WDR64: variants seen among roughly 807,000 people sequenced by gnomAD.
WDR64 encodes the protein WD repeat domain 64.
A neutral mutation model predicts 139.3 loss-of-function variants in WDR64; 112 were observed. The observed-to-expected ratio is 0.80, with a 90% confidence interval of 0.69 to 0.94. The LOEUF is 0.94. WDR64 is among the 40% of genes least tolerant of loss of function. The probability of loss-of-function intolerance (pLI) is 0.00; values close to 1 mark genes in which losing one functional copy is unlikely to be tolerated. For synonymous variants in WDR64, 444 were observed against 437.7 expected (o/e 1.01, Z -0.18); for missense variants, 1,206 against 1,293.1 (o/e 0.93, Z 1.03).
rs1666893588 is a variant in WDR64, at chr1:241,683,511, A to G, written c.649A>G (p.Met217Val). The change falls in exon 7 of 28, where the codon ATG (methionine) becomes GTG (valine). Residue 217 changes from methionine (M) to valine (V), a missense_variant. By Grantham distance (21) the Met-to-Val change is conservative. Transcript: ENST00000437684. ...GGAAAATTATTTTGTCATAAAACCAATGGATCACTGCCTCCTGTGTGTGTG... is the reference window on the plus strand; with the variant it reads ...GGAAAATTATTTTGTCATAAAACCAGTGGATCACTGCCTCCTGTGTGTGTG... ...SQENYFVIKP[M>V]DHCLLCVCVV... The G allele has an allele frequency of 6.4e-7, 1 of 1,551,744 alleles. No individual in the cohort carries two copies. Among genetic ancestry groups the G allele is most frequent in the Non-Finnish European group, 8.7e-7 (1 of 1,146,964 alleles).
chr1:241,711,946 T>G, intron 9 of WDR64, 65 bp downstream of exon 9: 3 of 1,500,984 alleles, frequency 2.0e-6, no homozygotes, highest in Non-Finnish European at 2.8e-6. Flanking sequence ...CTTCGAGTTT[T>G]GGTGCTAGGA....
At chr1:241,673,176 A>C (rs777006153) in intron 3 of WDR64, among the ~76,000 whole-genome samples, 6 of 133,210 alleles carry the variant, frequency 4.5e-5, no homozygotes, top group African/African-American at 1.6e-4. Flanking sequence ...ATCACACACC[A>C]GGGACTGTTG....
chr1:241,752,213 A>G (rs1029380388), intron 14 of WDR64, among the ~76,000 whole-genome samples: 2 of 152,350 alleles, frequency 1.3e-5, no homozygotes, highest in East Asian at 3.9e-4. Context: ...CAATTCCTAA[A>G]GACCTACCAG....
chr1:241,661,207 T>A (rs952284624), intron 2 of WDR64, among the ~76,000 whole-genome samples: 1 of 151,894 alleles, frequency 6.6e-6, no homozygotes, highest in African/African-American at 2.4e-5. Flanking sequence ...AGTAAGAATC[T>A]AAGGGATTTG....
intron 10 of WDR64, among the ~76,000 whole-genome samples, chr1:241,735,777 C>A (rs192639594): frequency 5.4e-5 from 8 of 147,500 alleles, no homozygotes; most frequent in Non-Finnish European, 1.2e-4. Context: ...TCAAGTGATC[C>A]GCCTGCCTCG....
intron 26 of WDR64, among the ~76,000 whole-genome samples, chr1:241,795,498 G>T (rs1659339206): frequency 6.6e-6 from 1 of 152,164 alleles, no homozygotes; most frequent in Non-Finnish European, 1.5e-5. Flanking sequence ...CCACGTGGTG[G>T]TTATTTTGAA....
At chr1:241,683,358 ATTATC>A (rs1159925725) in intron 6 of WDR64, 124 bp from the exon 7 acceptor site, 31 of 829,010 alleles carry the variant, frequency 3.7e-5, no homozygotes, top group Non-Finnish European at 5.3e-5. Flanking sequence ...TTTTTCTCAA[ATTATC>A]TTATAAGATA....
intron 8 of WDR64, among the ~76,000 whole-genome samples, chr1:241,699,652 A>C (rs959774454): frequency 2.0e-5 from 3 of 152,172 alleles, no homozygotes; most frequent in African/African-American, 7.2e-5. Context: ...AATTGGTAAA[A>C]CTTAGTCAGG....
intron 27 of WDR64, among the ~76,000 whole-genome samples, chr1:241,799,215 A>AAAAAAAAAAAAAAAG (rs1659452516): frequency 7.4e-6 from 1 of 134,350 alleles, no homozygotes; most frequent in African/African-American, 2.7e-5. Context: ...AAAAAAAAAA[A>AAAAAAAAAAAAAAAG]AAAAAAAATA....
intron 2 of WDR64, among the ~76,000 whole-genome samples, chr1:241,668,084 T>C (rs1450269742): frequency 6.6e-6 from 1 of 152,234 alleles, no homozygotes; most frequent in Non-Finnish European, 1.5e-5. Flanking sequence ...TTTACTGTAT[T>C]ATCTGTAATT....
At chr1:241,706,336 G>C (rs953763725) in intron 8 of WDR64, among the ~76,000 whole-genome samples, 2 of 152,210 alleles carry the variant, frequency 1.3e-5, no homozygotes, top group East Asian at 3.9e-4. Context: ...AATGGGAATT[G>C]GCCCAAGAAG....
chr1:241,784,953 GAAAAAAA>G (rs58720618), intron 23 of WDR64, among the ~76,000 whole-genome samples: 9 of 62,248 alleles, frequency 1.4e-4, no homozygotes, highest in East Asian at 1.2e-3. Context: ...GACTCTGTCT[GAAAAAAA>G]AAAAAAAAAA....
intron 11 of WDR64, among the ~76,000 whole-genome samples, chr1:241,739,287 T>C (rs1056611441): frequency 4.6e-5 from 7 of 152,334 alleles, no homozygotes; most frequent in African/African-American, 1.7e-4. Flanking sequence ...ATTATATTAA[T>C]AGTAGGTCCT....
intron 1 of WDR64, among the ~76,000 whole-genome samples, chr1:241,655,898 G>T (rs12067563): frequency 0.16 from 24,472 of 151,864 alleles, 2,290 homozygotes; most frequent in African/African-American, 0.25. Context: ...GTGTTCATTC[G>T]TTCCTGCCCC....
chr1:241,796,078 T>C (rs941174412), intron 26 of WDR64, among the ~76,000 whole-genome samples, 179 bp from the exon 27 acceptor site: 1 of 152,068 alleles, frequency 6.6e-6, no homozygotes, highest in Non-Finnish European at 1.5e-5. Flanking sequence ...TGGGGCCCTG[T>C]CTCTATTTTA....
intron 8 of WDR64, among the ~76,000 whole-genome samples, chr1:241,702,683 C>T (rs1343963663): frequency 6.6e-6 from 1 of 152,148 alleles, no homozygotes; most frequent in Non-Finnish European, 1.5e-5. Context: ...TTTATAACAT[C>T]TGCAAACTAA....
intron 13 of WDR64, among the ~76,000 whole-genome samples, chr1:241,748,496 T>C (rs1218937026): frequency 1.3e-5 from 2 of 152,148 alleles, no homozygotes; most frequent in Non-Finnish European, 2.9e-5. Context: ...TTTTCTTTTT[T>C]TGTCTGAGCC....
In WDR64 at chr1:241,709,512, G is replaced by A. The variant is rs1668081901; in HGVS notation, c.975-2290G>A. ...TACTATGGTTCCAGCTACTTGGGAG[G>A]TTGAGGCAGGAGGATCGCTTGAGTC... is the stretch of plus-strand genomic sequence containing the variant. On this transcript the variant is annotated intron_variant, in intron 8 of 27. Coordinates refer to ENST00000437684, the MANE Select transcript of WDR64 (RefSeq NM_001367482.1). Among the ~76,000 whole-genome samples the A allele has an allele frequency of 2.6e-5, 4 of 152,134 alleles. No homozygotes were observed. The South Asian group carries it at 8.3e-4, about 32-fold the overall frequency.
chr1:241,674,217 G>A (rs1666362715), intron 3 of WDR64, among the ~76,000 whole-genome samples: 1 of 147,740 alleles, frequency 6.8e-6, no homozygotes, highest in Non-Finnish European at 1.5e-5. Context: ...GTAACTTGGG[G>A]CTTTCTAGCA....
Sources: allele counts gnomAD v4.1 joint callset (sites outside exome capture counted in the v4.1 genomes callset), GRCh38; gene constraint gnomAD v4.1.1; transcripts MANE v1.5; gene names NCBI Gene and HGNC (gene_info 2026-07-23, HGNC 2026-07-21).